The following GPC6 variants were observed in gnomAD, a reference collection of about 807,000 sequenced individuals.
GPC6 encodes glypican 6, also known as glypican-6.
GPC6 carries 14 observed loss-of-function variants against 55.2 expected under a neutral mutation model. That is an observed-to-expected ratio of 0.25 (90% confidence interval 0.17 to 0.40). The LOEUF (loss-of-function observed/expected upper bound fraction) is 0.40, where lower values mean the gene tolerates loss of function less well. Ranked by LOEUF, GPC6 falls within the 10% of genes least tolerant of loss-of-function variation. The pLI, the probability that GPC6 is intolerant of heterozygous loss-of-function variation, is 1.00. For synonymous variants in GPC6, 278 were observed against 259.6 expected (o/e 1.07, Z -0.68); for missense variants, 641 against 708.5 (o/e 0.90, Z 1.08).
chr13:93,322,792 T>G (rs1175450385), intron 1 of GPC6, among the ~76,000 whole-genome samples: 2 of 152,136 alleles, frequency 1.3e-5, no homozygotes, highest in African/African-American at 2.4e-5. Flanking sequence ...TTGTTTGTTT[T>G]TATTTTTTTA....
chr13:93,743,875 A>G (rs566407947), intron 2 of GPC6, among the ~76,000 whole-genome samples: 21 of 152,330 alleles, frequency 1.4e-4, no homozygotes, highest in African/African-American at 3.8e-4. Context: ...TCAAACTGAT[A>G]CTTAGAAATA....
At chr13:93,792,312 G>A (rs765943921) in intron 2 of GPC6, among the ~76,000 whole-genome samples, 1 of 152,062 alleles carries the variant, frequency 6.6e-6, no homozygotes, top group Admixed American at 6.5e-5. Flanking sequence ...CAGGTCTATA[G>A]GGTTTTTTTC....
intron 3 of GPC6, among the ~76,000 whole-genome samples, chr13:93,837,857 C>T (rs1887798278): frequency 6.6e-6 from 1 of 152,054 alleles, no homozygotes; most frequent in Non-Finnish European, 1.5e-5. Context: ...CAGTGAAGGA[C>T]ATTTTAGGCA....
At chr13:94,015,577 A>G (rs187082607) in intron 3 of GPC6, among the ~76,000 whole-genome samples, 26 of 152,228 alleles carry the variant, frequency 1.7e-4, no homozygotes, top group East Asian at 1.5e-3. Context: ...CTAAGAATTC[A>G]TTCTTAAATC....
chr13:94,061,669 G>T (rs970757266), intron 4 of GPC6, among the ~76,000 whole-genome samples: 4 of 151,664 alleles, frequency 2.6e-5, no homozygotes, highest in African/African-American at 9.7e-5. Flanking sequence ...TGACTCATGG[G>T]AGGTGAAATC....
At chr13:93,995,193 ATTTTAT>A (rs1230656622) in intron 3 of GPC6, among the ~76,000 whole-genome samples, 5 of 147,766 alleles carry the variant, frequency 3.4e-5, no homozygotes, top group Non-Finnish European at 5.9e-5. Flanking sequence ...ATTTTATTTT[ATTTTAT>A]TTTTTTGAGA....
At chr13:94,165,766 A>T (rs1888348118) in intron 4 of GPC6, among the ~76,000 whole-genome samples, 1 of 152,212 alleles carries the variant, frequency 6.6e-6, no homozygotes. Flanking sequence ...TTGTACTTTA[A>T]CAATAGTTTC....
chr13:94,197,748 AT>A (rs1889623871), intron 4 of GPC6, among the ~76,000 whole-genome samples: 1 of 152,198 alleles, frequency 6.6e-6, no homozygotes, highest in African/African-American at 2.4e-5. Flanking sequence ...TAGTATCTGT[AT>A]TTTGGCAACT....
intron 3 of GPC6, among the ~76,000 whole-genome samples, chr13:93,846,787 C>T (rs1418761350): frequency 6.6e-6 from 1 of 152,248 alleles, no homozygotes; most frequent in East Asian, 1.9e-4. Flanking sequence ...GCACTCCAGC[C>T]TCAAATTTTG....
intron 4 of GPC6, among the ~76,000 whole-genome samples, chr13:94,123,404 T>C (rs1297825520): frequency 1.3e-5 from 2 of 152,100 alleles, no homozygotes; most frequent in African/African-American, 4.8e-5. Flanking sequence ...TTAATATATA[T>C]TTTAATCCTA....
At chr13:93,255,896 G>C (rs767357739) in intron 1 of GPC6, among the ~76,000 whole-genome samples, 6 of 152,042 alleles carry the variant, frequency 3.9e-5, no homozygotes, top group Non-Finnish European at 5.9e-5. Context: ...CATTTTGGGA[G>C]GCCAAAGTTG....
chr13:93,384,801 G>A (rs1425511848), intron 1 of GPC6, among the ~76,000 whole-genome samples: 3 of 152,206 alleles, frequency 2.0e-5, no homozygotes, highest in Admixed American at 6.5e-5. Flanking sequence ...TGTGGTATGA[G>A]ATACCCTCCC....
intron 1 of GPC6, among the ~76,000 whole-genome samples, chr13:93,393,123 TATATAGAGAGAGAGAGAG>T (rs1875700230): frequency 2.1e-5 from 2 of 94,662 alleles, no homozygotes; most frequent in South Asian, 3.8e-4. Context: ...TATATATATA[TATATAGAGAGAGAGAGAG>T]AGAGAGAGAG....
At chr13:93,375,597 C>T (rs1874857124) in intron 1 of GPC6, among the ~76,000 whole-genome samples, 1 of 152,198 alleles carries the variant, frequency 6.6e-6, no homozygotes, top group African/African-American at 2.4e-5. Flanking sequence ...TGAGTCTTCT[C>T]ATTTTCACTC....
intron 1 of GPC6, among the ~76,000 whole-genome samples, chr13:93,430,027 T>C (rs1877298049): frequency 6.6e-6 from 1 of 152,150 alleles, no homozygotes; most frequent in Non-Finnish European, 1.5e-5. Context: ...TTTATTCCAG[T>C]GTGCCCAGGG....
chr13:93,950,794 T>G (rs140972105), intron 3 of GPC6, among the ~76,000 whole-genome samples: 84 of 152,268 alleles, frequency 5.5e-4, no homozygotes, highest in Middle Eastern at 3.4e-3. Flanking sequence ...GCTGGGAAAT[T>G]TCTTTTTTTT....
intron 4 of GPC6, among the ~76,000 whole-genome samples, chr13:94,276,903 T>A (rs1892230547): frequency 6.6e-6 from 1 of 152,350 alleles, no homozygotes; most frequent in South Asian, 2.1e-4. Flanking sequence ...TAAATGTACA[T>A]TTGCATGTGT....
chr13:93,800,679 A>G (rs1886340784), intron 2 of GPC6, among the ~76,000 whole-genome samples: 1 of 152,188 alleles, frequency 6.6e-6, no homozygotes, highest in African/African-American at 2.4e-5. Context: ...GGCCTATAAA[A>G]CTGATTATGT....
intron 3 of GPC6, among the ~76,000 whole-genome samples, chr13:93,998,509 A>G (rs1422410443): frequency 6.6e-6 from 1 of 152,160 alleles, no homozygotes; most frequent in Non-Finnish European, 1.5e-5. Context: ...CTCTGCTATC[A>G]TAGCTGAATT....
Sources: allele counts gnomAD v4.1 joint callset (sites outside exome capture counted in the v4.1 genomes callset), GRCh38; gene constraint gnomAD v4.1.1; transcripts MANE v1.5; gene names NCBI Gene and HGNC (gene_info 2026-07-23, HGNC 2026-07-21).